Variants in FRMD5 observed in about 807,000 individuals in gnomAD.
FRMD5 encodes FERM domain containing 5, also known as FERM domain-containing protein 5.
In FRMD5, 20 loss-of-function variants were observed where a neutral mutation model predicts 69.0. The observed-to-expected ratio is 0.29, with a 90% CI of 0.20 to 0.42. FRMD5 has a LOEUF of 0.42. Ranked by LOEUF, FRMD5 falls within the 10% of genes least tolerant of loss-of-function variation. The probability of loss-of-function intolerance (pLI) is 1.00; values close to 1 mark genes in which losing one functional copy is unlikely to be tolerated. For missense variants in FRMD5, 595 were observed against 708.6 expected (o/e 0.84, Z 1.82); for synonymous variants, 271 against 260.1 (o/e 1.04, Z -0.40).
At chr15:43,882,566 C>A (rs1270661341) in intron 13 of FRMD5, among the ~76,000 whole-genome samples, 1 of 152,150 alleles carries the variant, frequency 6.6e-6, no homozygotes, top group Admixed American at 6.5e-5. Flanking sequence ...ACCATGTTGG[C>A]CAGGCTGGTC....
At chr15:44,096,266 G>T (rs1023735066) in intron 1 of FRMD5, among the ~76,000 whole-genome samples, 1 of 151,162 alleles carries the variant, frequency 6.6e-6, no homozygotes, top group Admixed American at 6.6e-5. Flanking sequence ...CCAACTCAGG[G>T]TGATCCATTT....
chr15:43,964,948 G>T (rs992465380), intron 1 of FRMD5, among the ~76,000 whole-genome samples: 1 of 152,104 alleles, frequency 6.6e-6, no homozygotes. Context: ...GTATAATTAG[G>T]GTTGCTGTGA....
At chr15:44,182,959 C>T (rs1050255086) in intron 1 of FRMD5, among the ~76,000 whole-genome samples, 1 of 151,182 alleles carries the variant, frequency 6.6e-6, no homozygotes, top group African/African-American at 2.4e-5. Flanking sequence ...CCACGCCAGG[C>T]TAAATTTTTT....
intron 1 of FRMD5, among the ~76,000 whole-genome samples, chr15:44,055,307 G>A (rs1054840484): frequency 6.6e-6 from 1 of 152,058 alleles, no homozygotes; most frequent in African/African-American, 2.4e-5. Flanking sequence ...CACTGTAGAA[G>A]CATCAAACAC....
At chr15:43,949,470 T>C (rs2089994208) in intron 1 of FRMD5, among the ~76,000 whole-genome samples, 1 of 152,200 alleles carries the variant, frequency 6.6e-6, no homozygotes, top group Admixed American at 6.5e-5. Context: ...CCAATTCCCC[T>C]TTCTGGAACT....
intron 2 of FRMD5, among the ~76,000 whole-genome samples, chr15:43,920,284 G>T (rs1346974153): frequency 6.6e-6 from 1 of 152,166 alleles, no homozygotes; most frequent in Non-Finnish European, 1.5e-5. Flanking sequence ...AGAAAGTAGT[G>T]AGAAGTGGAA....
Position 43,873,630 on chromosome 15 carries a change from G to T in FRMD5, c.*255C>A. ...CAAAAATTATCCTGCAAATTGGAAA[G>T]ATGAGAAACAGAGTCGCTGAGCCTT... On this transcript the variant is annotated 3_prime_UTR_variant, in exon 14 of 14. Transcript: ENST00000417257. 5 of 1,476,962 alleles carry T rather than the reference G, an allele frequency of 3.4e-6. No individual in the cohort carries two copies. The highest frequency in any genetic ancestry group is 4.4e-6 in the Non-Finnish European group (5 of 1,124,204). 91.5% of individuals were successfully genotyped at this position (1,476,962 alleles called of 1,614,324 possible).
rs565729924 is a variant in FRMD5 at position 43,960,202 on chromosome 15, C to T, written c.103-35893G>A. On this transcript the variant is annotated intron_variant, in intron 1 of 13. Coordinates refer to ENST00000417257, the MANE Select transcript of FRMD5 (RefSeq NM_032892.5). ...CTCTAGGGTTCATGCCATTCTCCTG[C>T]CTCAGCCTCCCAAGTAGCTGGGACT... Among the ~76,000 whole-genome samples, 87 of 152,330 alleles carry T rather than the reference C, an allele frequency of 5.7e-4. 3 individuals are homozygous for T. The South Asian group carries it at 0.018, about 31-fold the overall frequency.
intron 1 of FRMD5, among the ~76,000 whole-genome samples, chr15:44,137,412 T>A (rs1467999617): frequency 2.0e-5 from 3 of 152,222 alleles, no homozygotes; most frequent in Non-Finnish European, 2.9e-5. Flanking sequence ...AACCACTGGA[T>A]CTGCATCAGC....
At chr15:44,123,617 T>C (rs1258720151) in intron 1 of FRMD5, among the ~76,000 whole-genome samples, 1 of 152,028 alleles carries the variant, frequency 6.6e-6, no homozygotes, top group African/African-American at 2.4e-5. Flanking sequence ...TCAACTTTTA[T>C]AAAAAGCAAC....
At chr15:43,977,033 C>T (rs2140604290) in intron 1 of FRMD5, among the ~76,000 whole-genome samples, 1 of 152,040 alleles carries the variant, frequency 6.6e-6, no homozygotes, top group East Asian at 1.9e-4. Flanking sequence ...AGGGTTTCAC[C>T]ATGTTAGCCA....
At chr15:43,963,463 T>A (rs2090239037) in intron 1 of FRMD5, among the ~76,000 whole-genome samples, 1 of 152,236 alleles carries the variant, frequency 6.6e-6, no homozygotes, top group African/African-American at 2.4e-5. Flanking sequence ...TTGGTGGGAC[T>A]GTAAACTAGT....
At chr15:44,076,150 T>C (rs571867277) in intron 1 of FRMD5, among the ~76,000 whole-genome samples, 21 of 152,152 alleles carry the variant, frequency 1.4e-4, no homozygotes, top group Admixed American at 9.2e-4. Context: ...TGTGGAGAAA[T>C]AGTAACACTT....
At chr15:43,928,793 G>T (rs912883558) in intron 1 of FRMD5, among the ~76,000 whole-genome samples, 1 of 152,172 alleles carries the variant, frequency 6.6e-6, no homozygotes, top group Non-Finnish European at 1.5e-5. Flanking sequence ...TGATTATACC[G>T]GAGAAACAGG....
Position 43,997,420 on chromosome 15 carries a change from C to T in FRMD5, c.103-73111G>A, listed in dbSNP as rs1337489559. ...TCAAGCTCAAAAGAAATTCCCCATT[C>T]TGCAGTAAGGTTGCAAAGGATATAT... On this transcript the variant is annotated intron_variant, in intron 1 of 13. Coordinates refer to ENST00000417257, the MANE Select transcript of FRMD5 (RefSeq NM_032892.5). Among the ~76,000 whole-genome samples, 3 of 152,218 alleles carry T rather than the reference C, an allele frequency of 2.0e-5. 1 individual carries two copies.
intron 7 of FRMD5, among the ~76,000 whole-genome samples, chr15:43,899,185 C>A (rs1289555568): frequency 6.6e-6 from 1 of 152,170 alleles, no homozygotes; most frequent in Non-Finnish European, 1.5e-5. Context: ...AAGGCGAGCA[C>A]TTGATAGCAT....
At chr15:44,150,875 T>C (rs2077433695) in intron 1 of FRMD5, among the ~76,000 whole-genome samples, 1 of 152,018 alleles carries the variant, frequency 6.6e-6, no homozygotes, top group South Asian at 2.1e-4. Flanking sequence ...GTGGATCAAT[T>C]GAGATCAGGA....
At chr15:44,076,101 C>G (rs1893751248) in intron 1 of FRMD5, among the ~76,000 whole-genome samples, 1 of 151,980 alleles carries the variant, frequency 6.6e-6, no homozygotes, top group Non-Finnish European at 1.5e-5. Context: ...AAAATTTTCT[C>G]CCATTAAAAA....
At chr15:44,188,459 T>C (rs955759642) in intron 1 of FRMD5, among the ~76,000 whole-genome samples, 1 of 152,194 alleles carries the variant, frequency 6.6e-6, no homozygotes, top group Non-Finnish European at 1.5e-5. Context: ...TGTAACCCAG[T>C]AGTAGTGATT....
Sources: gnomAD v4.1 joint callset for allele counts (sites outside exome capture counted in the v4.1 genomes callset) on GRCh38, gnomAD v4.1.1 for gene constraint, MANE v1.5 for transcripts, NCBI Gene and HGNC (gene_info 2026-07-23, HGNC 2026-07-21) for gene names.